DTL: variants seen among roughly 807,000 people sequenced by gnomAD.
The protein encoded by DTL is denticleless protein homolog.
Under a neutral mutation model 87.0 loss-of-function variants are expected in DTL, and 46 were observed. The ratio of observed to expected loss-of-function variants is 0.53; its 90% CI spans 0.42 to 0.68. The LOEUF (loss-of-function observed/expected upper bound fraction) is 0.68. DTL is among the 30% of genes least tolerant of loss of function. The pLI, the probability that DTL is intolerant of heterozygous loss-of-function variation, is 0.00. For missense variants in DTL, 737 were observed against 869.4 expected (o/e 0.85, Z 1.91); for synonymous variants, 308 against 311.2 (o/e 0.99, Z 0.11).
At chr1:212,065,123 A>AT in intron 7 of DTL, 94 bp downstream of exon 7, 1 of 920,118 alleles carries the variant, frequency 1.1e-6, no homozygotes, top group Non-Finnish European at 1.7e-6. Flanking sequence ...AATCTTCATG[A>AT]TTCTCATTTG....
chr1:212,051,977 G>C (rs906440760), intron 5 of DTL: 2 of 834,960 alleles, frequency 2.4e-6, no homozygotes, highest in African/African-American at 1.7e-5. Context: ...TATATCGGGT[G>C]CCTCTCCTCT....
intron 2 of DTL, among the ~76,000 whole-genome samples, chr1:212,043,408 C>G (rs1667710944): frequency 1.3e-5 from 2 of 152,094 alleles, no homozygotes; most frequent in South Asian, 4.1e-4. Context: ...ACTGTTTTAT[C>G]CAGTAGATAC....
At chr1:212,101,915 T>C (rs1280209476) in intron 14 of DTL, among the ~76,000 whole-genome samples, 1 of 152,222 alleles carries the variant, frequency 6.6e-6, no homozygotes, top group African/African-American at 2.4e-5. Flanking sequence ...AAAAAGCTTC[T>C]GTTGTTTGCA....
intron 5 of DTL, among the ~76,000 whole-genome samples, chr1:212,049,841 A>G (rs773348702): frequency 7.2e-5 from 11 of 152,168 alleles, no homozygotes; most frequent in South Asian, 2.1e-4. Flanking sequence ...TTAGGTCACA[A>G]AAATATTGTA....
chr1:212,058,885 A>T (rs915780410), intron 5 of DTL, among the ~76,000 whole-genome samples: 2 of 152,192 alleles, frequency 1.3e-5, no homozygotes, highest in African/African-American at 4.8e-5. Context: ...AATACAAAAG[A>T]TCATCAGAAA....
chr1:212,065,043 G>C lies in DTL; in HGVS notation c.639+14G>C, dbSNP rs769115066. 5 of 1,538,200 alleles carry C rather than the reference G, an allele frequency of 3.3e-6. No homozygotes were observed. The highest frequency in any genetic ancestry group is 2.2e-5 in the South Asian group (2 of 89,568). The stretch of plus-strand genomic sequence containing the variant: ...GCTCCTTCTGTGGTAAGGTTTTACA[G>C]ATGTATACATGTGTGCAGATCTTAT... On this transcript the variant is annotated intron_variant, in intron 7 of 14. Transcript: ENST00000366991.
intron 8 of DTL, 26 bp downstream of exon 8, chr1:212,066,911 C>T (rs769422140): frequency 2.3e-5 from 37 of 1,577,610 alleles, no homozygotes; most frequent in South Asian, 2.2e-5. Flanking sequence ...TTTTTTCTTC[C>T]GACGAGATCT....
At chr1:212,059,790 A>AC (rs1668287617) in intron 5 of DTL, among the ~76,000 whole-genome samples, 2 of 150,474 alleles carry the variant, frequency 1.3e-5, no homozygotes, top group Non-Finnish European at 3.0e-5. Flanking sequence ...AAAAAAAAAA[A>AC]AAAAAAAAAA....
At chr1:212,066,942 G>A (rs1303223010) in intron 8 of DTL, 57 bp downstream of exon 8, 4 of 1,387,226 alleles carry the variant, frequency 2.9e-6, no homozygotes, top group Non-Finnish European at 4.1e-6. Context: ...ATTGTGATGA[G>A]GCAGTCACAT....
intron 13 of DTL, among the ~76,000 whole-genome samples, chr1:212,093,845 C>G (rs771693046): frequency 2.0e-4 from 30 of 152,316 alleles, no homozygotes; most frequent in Non-Finnish European, 3.5e-4. Flanking sequence ...CTGTCCTCAC[C>G]TAGGTCTGTG....
At chr1:212,038,588 T>C (rs1246426952) in intron 1 of DTL, among the ~76,000 whole-genome samples, 6 of 152,244 alleles carry the variant, frequency 3.9e-5, no homozygotes, top group Non-Finnish European at 7.3e-5. Flanking sequence ...GCATCTTTAC[T>C]GTATGCTGGA....
intron 1 of DTL, among the ~76,000 whole-genome samples, chr1:212,041,265 A>G (rs976771537): frequency 2.0e-5 from 3 of 152,138 alleles, no homozygotes; most frequent in Non-Finnish European, 4.4e-5. Flanking sequence ...AATTATAGGC[A>G]GTGAGGCAGA....
chr1:212,080,068 G>T (rs535858132), intron 12 of DTL, among the ~76,000 whole-genome samples: 2 of 152,292 alleles, frequency 1.3e-5, no homozygotes, highest in East Asian at 3.9e-4. Flanking sequence ...TAGGGAACTT[G>T]TTGTTTTCCC....
At chr1:212,098,831 C>T (rs932998478) in intron 13 of DTL, among the ~76,000 whole-genome samples, 2 of 152,092 alleles carry the variant, frequency 1.3e-5, no homozygotes, top group Non-Finnish European at 2.9e-5. Context: ...AACTCCCCGC[C>T]GAGAAAGCAA....
At chr1:212,047,474 A>C in intron 5 of DTL, 57 bp downstream of exon 5, 3 of 1,601,922 alleles carry the variant, frequency 1.9e-6, no homozygotes, top group Non-Finnish European at 2.6e-6. Context: ...TTGGGAGATA[A>C]GAACCTGTAA....
intron 12 of DTL, among the ~76,000 whole-genome samples, chr1:212,079,593 G>A (rs1299079710): frequency 2.6e-5 from 4 of 152,054 alleles, no homozygotes; most frequent in Admixed American, 2.0e-4. Context: ...GTTACTTTGG[G>A]CAAATAACTT....
intron 5 of DTL, among the ~76,000 whole-genome samples, chr1:212,053,218 A>T (rs1307340387): frequency 6.6e-6 from 1 of 151,380 alleles, no homozygotes; most frequent in Non-Finnish European, 1.5e-5. Context: ...TCTTAGGCCT[A>T]TCCAGTGATT....
intron 1 of DTL, among the ~76,000 whole-genome samples, chr1:212,042,233 A>G (rs528211033): frequency 1.3e-4 from 18 of 136,598 alleles, no homozygotes; most frequent in Non-Finnish European, 2.9e-4. Context: ...TGTCTTTACT[A>G]TGTAGGAGCA....
intron 13 of DTL, among the ~76,000 whole-genome samples, chr1:212,080,958 C>T (rs1654974555): frequency 6.6e-6 from 1 of 152,090 alleles, no homozygotes; most frequent in Non-Finnish European, 1.5e-5. Context: ...ATTTATTCAA[C>T]AAATATTTCT....
Sources: gnomAD v4.1 joint callset for allele counts (sites outside exome capture counted in the v4.1 genomes callset) on GRCh38, gnomAD v4.1.1 for gene constraint, MANE v1.5 for transcripts, NCBI Gene and HGNC (gene_info 2026-07-23, HGNC 2026-07-21) for gene names.